BANP: variants seen among roughly 807,000 people sequenced by gnomAD.
BANP encodes protein BANP.
In BANP, 11 loss-of-function variants were observed where a neutral mutation model predicts 68.1. The observed-to-expected ratio is 0.16, with a 90% CI of 0.10 to 0.27. The LOEUF (loss-of-function observed/expected upper bound fraction) is 0.27, where lower values mean the gene tolerates loss of function less well. Among genes scored for constraint, BANP ranks in the 10% least tolerant of loss-of-function variants. The pLI is 1.00. For synonymous variants in BANP, 329 were observed against 303.2 expected (o/e 1.09, Z -0.88); for missense variants, 504 against 722.7 (o/e 0.70, Z 3.47).
chr16:88,037,516 G>A (rs1284192806), intron 10 of BANP: 1 of 161,618 alleles, frequency 6.2e-6, no homozygotes, highest in African/African-American at 2.4e-5. Flanking sequence ...TAACTGGAGA[G>A]CTCTTAGTAG....
chr16:88,051,222 C>T (rs1465432279), intron 11 of BANP, among the ~76,000 whole-genome samples: 1 of 152,348 alleles, frequency 6.6e-6, no homozygotes, highest in Admixed American at 6.5e-5. Flanking sequence ...CAGACCCCCT[C>T]GAACCTCTGT....
At chr16:88,067,866 G>T (rs1475671022) in intron 12 of BANP, among the ~76,000 whole-genome samples, 1 of 152,228 alleles carries the variant, frequency 6.6e-6, no homozygotes, top group Non-Finnish European at 1.5e-5. Flanking sequence ...AGGGAACCCT[G>T]ACGATGCTCC....
rs776848483 is a variant in BANP, at chr16:87,984,068, G to A, written c.171G>A (p.Leu57=). ...TCTTTTTTCACTTCCAGTCATTCCTGTATTCCATCAACCAGACAATCTGCT... is the reference window on the plus strand; with the variant it reads ...TCTTTTTTCACTTCCAGTCATTCCTATATTCCATCAACCAGACAATCTGCT... ...NCQDPSIKSF[L]YSINQTICLR... Residue 57 remains leucine (L), a synonymous_variant, in exon 4 of 14, where the codon CTG becomes CTA. Coordinates refer to ENST00000682872, the MANE Select transcript of BANP (RefSeq NM_001386991.1). 1.2e-6 allele frequency: 2 copies of A among 1,613,954 alleles called. No individual in the cohort carries two copies. The highest frequency in any genetic ancestry group is 1.7e-6 in the Non-Finnish European group (2 of 1,179,920).
At chr16:88,073,451 G>A (rs1238255984) in intron 13 of BANP, among the ~76,000 whole-genome samples, 4 of 152,274 alleles carry the variant, frequency 2.6e-5, no homozygotes, top group Non-Finnish European at 5.9e-5. Context: ...GGCGCGCCCT[G>A]TACTCTGCGT....
At position 88,018,685 on chromosome 16, in the gene BANP, T is replaced by A. The variant is rs952338621; in HGVS notation, c.895+18T>A. The A allele has an allele frequency of 1.8e-5, 28 of 1,551,742 alleles. No individual in the cohort carries two copies. In the African/African-American group the frequency reaches 3.3e-4, roughly 18 times the overall value. ...CATCCGGTGTAAGTCGGGCCCCGCC[T>A]TGGGGGACTGGGGTGTGCGGGGAGC... is the stretch of plus-strand genomic sequence containing the variant. On this transcript the variant is annotated intron_variant, in intron 7 of 13. Coordinates refer to ENST00000682872, the MANE Select transcript of BANP (RefSeq NM_001386991.1). The surrounding 1 kb of genome is among the most constrained non-coding windows in gnomAD (Gnocchi z 7.7).
chr16:88,033,429 G>C (rs1479982413), intron 9 of BANP, among the ~76,000 whole-genome samples, 184 bp downstream of exon 9: 1 of 152,166 alleles, frequency 6.6e-6, no homozygotes, highest in Non-Finnish European at 1.5e-5. Context: ...TTTCACAGGT[G>C]GGGGCGGCTG....
chr16:88,073,716 G>A (rs1351673042), intron 13 of BANP, among the ~76,000 whole-genome samples: 3 of 152,228 alleles, frequency 2.0e-5, no homozygotes, highest in Admixed American at 1.3e-4. Context: ...GCTGCAGGAG[G>A]GCAGTGAGGT....
At chr16:88,059,770 G>A (rs895725655) in intron 11 of BANP, among the ~76,000 whole-genome samples, 2 of 152,170 alleles carry the variant, frequency 1.3e-5, no homozygotes, top group African/African-American at 2.4e-5. Flanking sequence ...CTGCACTGTC[G>A]GACGCGACAC....
chr16:87,995,791 A>G (rs2067022036), intron 4 of BANP, among the ~76,000 whole-genome samples: 1 of 152,242 alleles, frequency 6.6e-6, no homozygotes, highest in South Asian at 2.1e-4. Flanking sequence ...CTCCACAGGT[A>G]ACAAGCTCTG....
chr16:87,970,315 C>T (rs979879391), intron 1 of BANP: 4 of 152,152 alleles, frequency 2.6e-5, no homozygotes, highest in Admixed American at 6.5e-5. Flanking sequence ...TTTGTTTGTT[C>T]GGTAGGGGAG....
At chr16:88,042,717 A>T (rs750133934) in intron 11 of BANP, among the ~76,000 whole-genome samples, 13 of 152,136 alleles carry the variant, frequency 8.5e-5, no homozygotes, top group Non-Finnish European at 1.8e-4. Context: ...CAGGAGTTTG[A>T]TGCCAGCCTG....
At chr16:88,048,239 A>T (rs1416322035) in intron 11 of BANP, among the ~76,000 whole-genome samples, 1 of 152,254 alleles carries the variant, frequency 6.6e-6, no homozygotes, top group Admixed American at 6.5e-5. Flanking sequence ...GTGATTGAAG[A>T]CTTAGCCAAC....
intron 11 of BANP, among the ~76,000 whole-genome samples, chr16:88,053,659 A>C (rs111164427): frequency 8.3e-5 from 12 of 143,846 alleles, no homozygotes; most frequent in African/African-American, 1.9e-4. Flanking sequence ...CAACACAGTC[A>C]CCTTCACCAC....
intron 1 of BANP, among the ~76,000 whole-genome samples, chr16:87,965,058 G>T (rs1189930113): frequency 6.6e-6 from 1 of 152,206 alleles, no homozygotes; most frequent in Non-Finnish European, 1.5e-5. Context: ...GCCACAGACT[G>T]ATGAGCCGCT....
At chr16:88,025,489 A>G (rs1598573759) in intron 7 of BANP, among the ~76,000 whole-genome samples, 1 of 152,204 alleles carries the variant, frequency 6.6e-6, no homozygotes, top group African/African-American at 2.4e-5. Flanking sequence ...TGGCTTCTTT[A>G]TGCATGAGGA....
rs73235256 is a variant in BANP at position 88,069,809 on chromosome 16, C to G, written c.1378-2260C>G. On this transcript the variant is annotated intron_variant, in intron 12 of 13. Coordinates refer to ENST00000682872, the MANE Select transcript of BANP (RefSeq NM_001386991.1). Reference sequence around the variant, plus strand: ...AAGACTACAGTTGACCCTTGAACAACACAGGTTTGAACTATGAGGATCCAC... The same window carrying G: ...AAGACTACAGTTGACCCTTGAACAAGACAGGTTTGAACTATGAGGATCCAC... Among the ~76,000 whole-genome samples, 888 of 152,346 alleles carry G rather than the reference C, an allele frequency of 5.8e-3. 11 individuals carry two copies. Among genetic ancestry groups the G allele is most frequent in the African/African-American group, 0.02 (838 of 41,588 alleles).
intron 11 of BANP, among the ~76,000 whole-genome samples, chr16:88,041,670 A>T (rs2080827748): frequency 8.0e-6 from 1 of 125,228 alleles, no homozygotes; most frequent in Admixed American, 8.8e-5. Flanking sequence ...CTTTCCCTGT[A>T]GCCCACGACA....
chr16:88,057,005 A>G lies in BANP; in HGVS notation c.1312-8262A>G, dbSNP rs1448390182. ...TACTGATTTAAAACTCTGTAACTCA[A>G]AAAGCAGAAAAAGTGTGATTTCTGA... is the stretch of plus-strand genomic sequence containing the variant. On this transcript the variant is annotated intron_variant, in intron 11 of 13. Coordinates refer to ENST00000682872, the MANE Select transcript of BANP (RefSeq NM_001386991.1). The surrounding 1 kb of genome is among the most constrained non-coding windows in gnomAD (Gnocchi z 4.6). Among the ~76,000 whole-genome samples the G allele has an allele frequency of 1.3e-5, 2 of 152,248 alleles. No homozygotes were observed.
At chr16:87,967,485 T>C (rs937688277) in intron 1 of BANP, among the ~76,000 whole-genome samples, 1 of 152,118 alleles carries the variant, frequency 6.6e-6, no homozygotes, top group Admixed American at 6.6e-5. Context: ...GAGACGGATC[T>C]CGCTCTGTCA....
Sources: gnomAD v4.1 joint callset for allele counts (sites outside exome capture counted in the v4.1 genomes callset) on GRCh38, gnomAD v4.1.1 for gene constraint, Gnocchi (gnomAD v3.1) non-coding constraint, MANE v1.5 for transcripts, NCBI Gene and HGNC (gene_info 2026-07-23, HGNC 2026-07-21) for gene names.